Variants in TUSC3 observed in about 807,000 individuals in gnomAD.
TUSC3 encodes tumor suppressor candidate 3, also known as dolichyl-diphosphooligosaccharide--protein glycosyltransferase subunit TUSC3.
TUSC3 carries 45 observed loss-of-function variants against 44.8 expected under a neutral mutation model. The observed-to-expected ratio is 1.00, with a 90% CI of 0.79 to 1.29. The LOEUF is 1.29. Among genes scored for constraint, TUSC3 ranks in the 50% most tolerant of loss-of-function variants. TUSC3 has a pLI of 0.00. For synonymous variants in TUSC3, 212 were observed against 152.9 expected, an observed-to-expected ratio of 1.39 and a Z score of -2.85; for missense variants, 519 against 437.9, an observed-to-expected ratio of 1.19 and a Z score of -1.65.
At chr8:15,496,167 T>C (rs1181726319) in intron 2 of TUSC3, among the ~76,000 whole-genome samples, 1 of 152,180 alleles carries the variant, frequency 6.6e-6, no homozygotes, top group Non-Finnish European at 1.5e-5. Flanking sequence ...TGATAAATGA[T>C]GTACTCTCTG....
intron 6 of TUSC3, among the ~76,000 whole-genome samples, chr8:15,707,895 C>T (rs187650354): frequency 2.0e-5 from 3 of 151,992 alleles, no homozygotes; most frequent in Non-Finnish European, 2.9e-5. Flanking sequence ...CCATCCCATG[C>T]CTCTTTCTTA....
chr8:15,831,466 A>G, the TUSC3 span, among the ~76,000 whole-genome samples: 2 of 152,204 alleles, frequency 1.3e-5, no homozygotes, highest in Non-Finnish European at 2.9e-5. Flanking sequence ...GTGAAATGAC[A>G]GAAATAGCAA....
At chr8:15,813,551 C>A in the TUSC3 span, among the ~76,000 whole-genome samples, 14,734 of 152,072 alleles carry the variant, frequency 0.097, 933 homozygotes, top group Admixed American at 0.19. Flanking sequence ...TGGGAAGATA[C>A]TGTAAATTTT....
intron 1 of TUSC3, among the ~76,000 whole-genome samples, chr8:15,459,834 G>GTGTGTGTGTGTGTGTGTGTA (rs1800319244): frequency 9.7e-6 from 1 of 103,502 alleles, no homozygotes; most frequent in Non-Finnish European, 1.8e-5. Flanking sequence ...TATTCCATTT[G>GTGTGTGTGTGTGTGTGTGTA]TGTGTGTGTG....
intron 1 of TUSC3, among the ~76,000 whole-genome samples, chr8:15,611,737 G>C (rs925566204): frequency 6.6e-6 from 1 of 152,128 alleles, no homozygotes; most frequent in Non-Finnish European, 1.5e-5. Flanking sequence ...TGAACTATCA[G>C]TTTGTAATGT....
At chr8:15,746,156 A>G (rs1811404521) in intron 8 of TUSC3, among the ~76,000 whole-genome samples, 1 of 152,062 alleles carries the variant, frequency 6.6e-6, no homozygotes, top group African/African-American at 2.4e-5. Context: ...TTTATTGTAT[A>G]TCCTGTCTTA....
intron 5 of TUSC3, among the ~76,000 whole-genome samples, chr8:15,669,121 A>G (rs746762787): frequency 4.0e-5 from 6 of 151,766 alleles, no homozygotes; most frequent in Non-Finnish European, 2.9e-5. Flanking sequence ...ACATTCCCCA[A>G]TTAGATTAGG....
chr8:15,697,400 T>G (rs1020867257), intron 6 of TUSC3, among the ~76,000 whole-genome samples: 1 of 152,216 alleles, frequency 6.6e-6, no homozygotes, highest in Non-Finnish European at 1.5e-5. Context: ...ATTCAGACTT[T>G]TTGATGTAGG....
chr8:15,812,146 G>A, the TUSC3 span, among the ~76,000 whole-genome samples: 2 of 152,176 alleles, frequency 1.3e-5, no homozygotes, highest in Admixed American at 1.3e-4. Flanking sequence ...AGGCATTAAA[G>A]TGCATCTTAA....
intron 1 of TUSC3, among the ~76,000 whole-genome samples, chr8:15,619,170 A>G (rs949331688): frequency 6.6e-6 from 1 of 152,346 alleles, no homozygotes; most frequent in Non-Finnish European, 1.5e-5. Context: ...CCCTTAAGGC[A>G]GTTGGGATAC....
intron 1 of TUSC3, among the ~76,000 whole-genome samples, chr8:15,423,692 C>T (rs188193840): frequency 1.6e-4 from 25 of 152,224 alleles, no homozygotes; most frequent in South Asian, 1.2e-3. Context: ...CCTCCTAAAG[C>T]GGGGAGAGTG....
In TUSC3 at chr8:15,530,862, G is replaced by T. The variant is rs73665434; in HGVS notation, n.189+47379G>T. ...AGATGGTTATGCCCAATGTGAGAAA[G>T]AACTGAGCAGCTCCTGACCGTAAAC... On this transcript the variant is annotated intron_variant and non_coding_transcript_variant, in intron 2 of 5. Coordinates refer to the TUSC3 transcript ENST00000503191. Among the ~76,000 whole-genome samples, 946 of 152,304 alleles carry T rather than the reference G, an allele frequency of 6.2e-3. 14 individuals are homozygous for T. The highest frequency in any genetic ancestry group is 0.021 in the African/African-American group (868 of 41,560).
At chr8:15,823,865 A>C in the TUSC3 span, among the ~76,000 whole-genome samples, 1 of 152,200 alleles carries the variant, frequency 6.6e-6, no homozygotes, top group Admixed American at 6.5e-5. Context: ...TCTGCTACAA[A>C]TCTCTTCCGT....
intron 2 of TUSC3, among the ~76,000 whole-genome samples, chr8:15,483,872 TG>T (rs2129124916): frequency 6.9e-6 from 1 of 145,750 alleles, no homozygotes; most frequent in East Asian, 2.1e-4. Flanking sequence ...TTAGCCAGGG[TG>T]GTCTCGATCT....
intron 9 of TUSC3, among the ~76,000 whole-genome samples, chr8:15,750,188 C>G (rs1311725486): frequency 6.6e-6 from 1 of 151,726 alleles, no homozygotes; most frequent in Non-Finnish European, 1.5e-5. Context: ...ACTGTGTTAG[C>G]CAGGATGGTC....
At chr8:15,705,204 C>T (rs1809568076) in intron 6 of TUSC3, among the ~76,000 whole-genome samples, 1 of 151,502 alleles carries the variant, frequency 6.6e-6, no homozygotes, top group South Asian at 2.1e-4. Flanking sequence ...AGTACAGAGA[C>T]ATTGATTTGA....
the TUSC3 span, among the ~76,000 whole-genome samples, chr8:15,840,722 A>G: frequency 6.6e-6 from 1 of 152,196 alleles, no homozygotes; most frequent in South Asian, 2.1e-4. Context: ...TTTTCTAGAG[A>G]AAATTCCATT....
At chr8:15,717,768 A>C (rs1176524868) in intron 6 of TUSC3, among the ~76,000 whole-genome samples, 1 of 152,090 alleles carries the variant, frequency 6.6e-6, no homozygotes, top group African/African-American at 2.4e-5. Flanking sequence ...CAATTTTATT[A>C]ATTTGTGATC....
At chr8:15,619,794 G>C (rs1354399833) in intron 1 of TUSC3, among the ~76,000 whole-genome samples, 1 of 152,192 alleles carries the variant, frequency 6.6e-6, no homozygotes, top group Non-Finnish European at 1.5e-5. Context: ...ACAGGCGTGA[G>C]CCACCGTGCC....
Sources: allele counts gnomAD v4.1 joint callset (sites outside exome capture counted in the v4.1 genomes callset), GRCh38; gene constraint gnomAD v4.1.1; transcripts MANE v1.5; gene names NCBI Gene and HGNC (gene_info 2026-07-23, HGNC 2026-07-21).